The following PIK3C2G variants were observed in gnomAD, a reference collection of about 807,000 sequenced individuals.
The protein encoded by PIK3C2G is phosphatidylinositol-4-phosphate 3-kinase catalytic subunit type 2 gamma.
Under a neutral mutation model 181.1 loss-of-function variants are expected in PIK3C2G, and 168 were observed. The ratio of observed to expected loss-of-function variants is 0.93; its 90% CI spans 0.82 to 1.05. PIK3C2G has a LOEUF of 1.05. Among genes scored for constraint, PIK3C2G ranks in the 50% least tolerant of loss-of-function variants. PIK3C2G has a pLI of 0.00. For missense variants in PIK3C2G, 1,869 were observed against 1,732.8 expected (o/e 1.08, Z -1.40); for synonymous variants, 573 against 592.2 (o/e 0.97, Z 0.47).
In PIK3C2G at chr12:18,648,002, T is replaced by C. The variant is rs1950239274; in HGVS notation, c.4435T>C (p.Tyr1479His). ...TGTCCCACTCGATAAAGAAAAATGG[T>C]ATCCATTAGGAAACAGTATAATTTG... ...CSVPLDKEKW[Y>H]PLGNSII The change falls in exon 33 of 33, where the codon TAT (tyrosine) becomes CAT (histidine). Residue 1479 changes from tyrosine to histidine, a missense_variant. Physicochemically the swap from Tyr to His is moderately conservative, Grantham distance 83. Transcript: ENST00000538779. 2.5e-6 allele frequency: 4 copies of C among 1,599,348 alleles called. No individual in the cohort carries two copies. The Admixed American group carries it at 5.1e-5, about 21-fold the overall frequency.
chr12:18,448,291 T>C (rs1431776947), intron 18 of PIK3C2G, among the ~76,000 whole-genome samples: 1 of 152,176 alleles, frequency 6.6e-6, no homozygotes, highest in Non-Finnish European at 1.5e-5. Context: ...TTGTTTTTAT[T>C]TTATATGTTT....
chr12:18,536,351 T>C (rs1420188973), intron 24 of PIK3C2G, among the ~76,000 whole-genome samples: 1 of 152,122 alleles, frequency 6.6e-6, no homozygotes, highest in Non-Finnish European at 1.5e-5. Flanking sequence ...TGTAAGCACT[T>C]GCACATGCTA....
chr12:18,495,016 A>G (rs752578517), intron 20 of PIK3C2G, among the ~76,000 whole-genome samples: 2 of 152,054 alleles, frequency 1.3e-5, no homozygotes, highest in South Asian at 4.1e-4. Flanking sequence ...CTTATGATTC[A>G]GTAAGCAAGG....
At chr12:18,307,770 T>G (rs749815595) in intron 5 of PIK3C2G, among the ~76,000 whole-genome samples, 2 of 151,918 alleles carry the variant, frequency 1.3e-5, no homozygotes, top group Non-Finnish European at 2.9e-5. Context: ...TTTTCTCTCT[T>G]TTCTTTTTCA....
At chr12:18,624,937 G>A (rs563274841) in intron 31 of PIK3C2G, among the ~76,000 whole-genome samples, 1 of 151,556 alleles carries the variant, frequency 6.6e-6, no homozygotes, top group Non-Finnish European at 1.5e-5. Context: ...CTCCTGCTTA[G>A]TTTAACTACA....
intron 31 of PIK3C2G, among the ~76,000 whole-genome samples, chr12:18,617,689 T>C (rs919850799): frequency 2.0e-5 from 3 of 152,162 alleles, no homozygotes; most frequent in African/African-American, 7.2e-5. Context: ...TTCAAATGTT[T>C]GCCTGGCTCA....
rs1368741317 is a variant in PIK3C2G, at chr12:18,645,979, TG to T, written c.4309-1895del. ...GCTGAACATGATGTAGGAAGAAAAATGGAGAATAGTTCAGACAGCTCAAAAT... is the reference window on the plus strand; with the variant it reads ...GCTGAACATGATGTAGGAAGAAAAATGAGAATAGTTCAGACAGCTCAAAAT... On this transcript the variant is annotated intron_variant, in intron 32 of 32. Transcript: ENST00000538779. Among the ~76,000 whole-genome samples, 5 of 151,924 alleles carry T rather than the reference TG, an allele frequency of 3.3e-5. No individual in the cohort carries two copies. The South Asian group carries it at 8.3e-4, about 25-fold the overall frequency.
chr12:18,410,167 A>G (rs1313063282), intron 16 of PIK3C2G, among the ~76,000 whole-genome samples: 14 of 152,146 alleles, frequency 9.2e-5, no homozygotes, highest in Admixed American at 4.6e-4. Flanking sequence ...ACATTCACCA[A>G]CATGGGGCAC....
intron 29 of PIK3C2G, among the ~76,000 whole-genome samples, chr12:18,573,311 T>C (rs1366068089): frequency 6.6e-6 from 1 of 152,224 alleles, no homozygotes; most frequent in Non-Finnish European, 1.5e-5. Flanking sequence ...TGAGGGCCTC[T>C]TTCTGGTTCA....
intron 31 of PIK3C2G, among the ~76,000 whole-genome samples, chr12:18,621,977 G>A (rs1346431727): frequency 6.6e-6 from 1 of 151,740 alleles, no homozygotes; most frequent in Admixed American, 6.6e-5. Context: ...AAATACAAAA[G>A]TGATATTATG....
At chr12:18,637,400 A>AT (rs35836229) in intron 31 of PIK3C2G, among the ~76,000 whole-genome samples, 16,695 of 146,536 alleles carry the variant, frequency 0.11, 1,061 homozygotes, top group African/African-American at 0.19. Context: ...TGACCTAGAT[A>AT]TTTTTTTTTT....
At chr12:18,338,618 A>G (rs1938784569) in intron 9 of PIK3C2G, 70 bp downstream of exon 9, 2 of 1,011,008 alleles carry the variant, frequency 2.0e-6, no homozygotes, top group Non-Finnish European at 3.0e-6. Context: ...AGAGTGAAAG[A>G]CTTTTTACTA....
chr12:18,576,638 T>G (rs1419562649), intron 29 of PIK3C2G, among the ~76,000 whole-genome samples: 1 of 152,200 alleles, frequency 6.6e-6, no homozygotes, highest in Non-Finnish European at 1.5e-5. Context: ...AATATAAAAT[T>G]ATATAACATG....
chr12:18,598,359 T>C (rs1353357436), intron 30 of PIK3C2G, among the ~76,000 whole-genome samples: 1 of 151,818 alleles, frequency 6.6e-6, no homozygotes, highest in African/African-American at 2.4e-5. Flanking sequence ...TCTACAACTA[T>C]CTGATCTTTG....
At chr12:18,636,182 C>G (rs573598561) in intron 31 of PIK3C2G, among the ~76,000 whole-genome samples, 1 of 152,260 alleles carries the variant, frequency 6.6e-6, no homozygotes, top group South Asian at 2.1e-4. Flanking sequence ...AGGTGATTTG[C>G]TGGTCTTGTC....
In PIK3C2G at chr12:18,542,644, G is replaced by A. The variant is rs186739810; in HGVS notation, c.3481-3679G>A. On this transcript the variant is annotated intron_variant, in intron 25 of 32. Transcript: ENST00000538779. ...CTCACCATTTAGCTCCCTCTTATAA[G>A]TGAGAATATGCAGTATGTGGTTTTC... Among the ~76,000 whole-genome samples the A allele has an allele frequency of 2.6e-5, 4 of 151,944 alleles. No individual in the cohort carries two copies. The East Asian group carries it at 7.8e-4, about 30-fold the overall frequency.
chr12:18,423,146 A>AGTGTGTGT (rs200060648), intron 17 of PIK3C2G, among the ~76,000 whole-genome samples: 4 of 149,484 alleles, frequency 2.7e-5, no homozygotes, highest in Admixed American at 2.0e-4. Context: ...AGAGAGAGAG[A>AGTGTGTGT]GTGTGTGTGT....
intron 4 of PIK3C2G, among the ~76,000 whole-genome samples, chr12:18,292,927 AAG>A (rs1949776005): frequency 6.6e-6 from 1 of 152,168 alleles, no homozygotes; most frequent in South Asian, 2.1e-4. Flanking sequence ...GATATTGTTT[AAG>A]TGTGACACTT....
intron 24 of PIK3C2G, among the ~76,000 whole-genome samples, chr12:18,536,064 C>A (rs913824913): frequency 6.6e-6 from 1 of 151,978 alleles, no homozygotes; most frequent in Non-Finnish European, 1.5e-5. Context: ...ACATATGTAA[C>A]AAATCTGCAT....
Sources: gnomAD v4.1 joint callset for allele counts (sites outside exome capture counted in the v4.1 genomes callset) on GRCh38, gnomAD v4.1.1 for gene constraint, MANE v1.5 for transcripts, NCBI Gene and HGNC (gene_info 2026-07-23, HGNC 2026-07-21) for gene names.